PXDNL: variants seen among roughly 807,000 people sequenced by gnomAD.
PXDNL encodes the protein probable oxidoreductase PXDNL.
Under a neutral mutation model 150.8 loss-of-function variants are expected in PXDNL, and 145 were observed. The observed-to-expected ratio is 0.96, with a 90% CI of 0.84 to 1.10. The LOEUF (loss-of-function observed/expected upper bound fraction) is 1.10, where lower values mean the gene tolerates loss of function less well. PXDNL is among the 50% of genes least tolerant of loss of function. The pLI, the probability that PXDNL is intolerant of heterozygous loss-of-function variation, is 0.00. For missense variants in PXDNL, 2,087 were observed against 1,873.9 expected (o/e 1.11, Z -2.10); for synonymous variants, 757 against 725.7 (o/e 1.04, Z -0.69).
intron 19 of PXDNL, among the ~76,000 whole-genome samples, chr8:51,368,051 C>T (rs1806973753): frequency 6.6e-6 from 1 of 152,126 alleles, no homozygotes; most frequent in African/African-American, 2.4e-5. Context: ...TCATTTGAAC[C>T]CGGGAGGGAG....
chr8:51,764,851 A>C (rs954908561), intron 1 of PXDNL, among the ~76,000 whole-genome samples: 2 of 152,068 alleles, frequency 1.3e-5, no homozygotes, highest in Non-Finnish European at 2.9e-5. Flanking sequence ...CAAGTTTTCT[A>C]TTTACTTGAT....
chr8:51,803,984 A>G (rs1269099642), intron 1 of PXDNL, among the ~76,000 whole-genome samples: 1 of 152,234 alleles, frequency 6.6e-6, no homozygotes, highest in African/African-American at 2.4e-5. Flanking sequence ...TATCCAAGAC[A>G]GGTCTCAGTT....
rs1812021693 is a variant in PXDNL at position 51,534,755 on chromosome 8, A to G, written c.380+22085T>C. The stretch of plus-strand genomic sequence containing the variant: ...CGTCCGGGAGGGAGGTGGGGGGGTC[A>G]GCCCCCCGCCCGGCCAGCCGCCCCG... On this transcript the variant is annotated intron_variant, in intron 4 of 22. Coordinates refer to ENST00000356297, the MANE Select transcript of PXDNL (RefSeq NM_144651.5). Among the ~76,000 whole-genome samples the G allele has an allele frequency of 3.5e-5, 4 of 114,666 alleles. No individual in the cohort carries two copies. In the East Asian group the frequency reaches 1.2e-3, roughly 34 times the overall value. The allele number at this position is 114,666 out of a possible 152,430, so 75.2% of individuals were successfully genotyped here.
intron 1 of PXDNL, among the ~76,000 whole-genome samples, chr8:51,730,738 T>C (rs1235410968): frequency 1.3e-5 from 2 of 152,168 alleles, no homozygotes; most frequent in African/African-American, 4.8e-5. Flanking sequence ...GGACTCACAG[T>C]TCCACATGGC....
intron 1 of PXDNL, among the ~76,000 whole-genome samples, chr8:51,737,922 A>G (rs185431210): frequency 6.6e-6 from 1 of 152,166 alleles, no homozygotes; most frequent in Non-Finnish European, 1.5e-5. Flanking sequence ...TGGTATGGCC[A>G]CCTGCCCACC....
chr8:51,762,330 T>A (rs1464358118), intron 1 of PXDNL, among the ~76,000 whole-genome samples: 1 of 152,160 alleles, frequency 6.6e-6, no homozygotes, highest in Admixed American at 6.5e-5. Flanking sequence ...GTGGGAAAAA[T>A]CCACATTCTA....
chr8:51,652,439 T>TCTCA (rs769715730), intron 2 of PXDNL, among the ~76,000 whole-genome samples: 56 of 146,948 alleles, frequency 3.8e-4, no homozygotes, highest in African/African-American at 1.3e-3. Context: ...TCTCTCTCTC[T>TCTCA]CACACACACA....
chr8:51,698,950 G>A (rs1382473383), intron 1 of PXDNL, among the ~76,000 whole-genome samples: 1 of 152,152 alleles, frequency 6.6e-6, no homozygotes, highest in Non-Finnish European at 1.5e-5. Context: ...CTGGGCAGTA[G>A]GTCTCAGCAG....
At chr8:51,481,124 A>T (rs1331677050) in intron 6 of PXDNL, among the ~76,000 whole-genome samples, 13 of 152,214 alleles carry the variant, frequency 8.5e-5, no homozygotes, top group Non-Finnish European at 1.8e-4. Context: ...GGCTCAGAAG[A>T]CAGGCAGATG....
At chr8:51,769,223 G>C (rs2037264364) in intron 1 of PXDNL, among the ~76,000 whole-genome samples, 1 of 152,234 alleles carries the variant, frequency 6.6e-6, no homozygotes, top group Non-Finnish European at 1.5e-5. Context: ...CAGTTCATAT[G>C]GGAAGATATG....
intron 1 of PXDNL, among the ~76,000 whole-genome samples, chr8:51,795,650 T>A (rs1429961317): frequency 2.0e-5 from 3 of 152,136 alleles, no homozygotes; most frequent in African/African-American, 4.8e-5. Context: ...TAAAGCAGTG[T>A]TAAGAGGCAA....
intron 12 of PXDNL, chr8:51,435,748 C>T: frequency 2.6e-6 from 1 of 380,198 alleles, no homozygotes; most frequent in South Asian, 2.4e-5. Flanking sequence ...GGATCCCAGG[C>T]CCCGTTTGCA....
intron 19 of PXDNL, among the ~76,000 whole-genome samples, chr8:51,358,890 G>T (rs1314643772): frequency 1.3e-5 from 2 of 152,164 alleles, no homozygotes; most frequent in African/African-American, 4.8e-5. Context: ...CAGGCCTGGG[G>T]GAACCACGCC....
intron 20 of PXDNL, among the ~76,000 whole-genome samples, chr8:51,345,465 A>G (rs767075524): frequency 1.3e-5 from 2 of 152,220 alleles, no homozygotes; most frequent in Non-Finnish European, 2.9e-5. Context: ...ACTTAACATG[A>G]ATTAGCTTAA....
At position 51,800,314 on chromosome 8, in the gene PXDNL, G is replaced by A. The variant is rs556790007; in HGVS notation, c.164+8867C>T. ...ATTTTATGTTAATATATTTTATATT[G>A]TCTATCTTCTCTGTTCTCTGCCCTG... is the stretch of plus-strand genomic sequence containing the variant. On this transcript the variant is annotated intron_variant, in intron 1 of 22. Transcript: ENST00000356297. Among the ~76,000 whole-genome samples, 15 of 152,214 alleles carry A rather than the reference G, an allele frequency of 9.9e-5. No individual in the cohort carries two copies. In the South Asian group the frequency reaches 3.1e-3, roughly 32 times the overall value.
chr8:51,342,087 T>C (rs1806001754), intron 20 of PXDNL, among the ~76,000 whole-genome samples: 2 of 152,156 alleles, frequency 1.3e-5, no homozygotes, highest in African/African-American at 4.8e-5. Context: ...AACAATACTG[T>C]ATTGTACACT....
intron 4 of PXDNL, among the ~76,000 whole-genome samples, chr8:51,548,352 T>A (rs1203944906): frequency 6.6e-6 from 1 of 152,096 alleles, no homozygotes; most frequent in East Asian, 1.9e-4. Context: ...ACTCAGGAAA[T>A]TTAACACAAA....
chr8:51,323,678 C>A (rs1805392641), intron 21 of PXDNL, among the ~76,000 whole-genome samples: 1 of 152,100 alleles, frequency 6.6e-6, no homozygotes, highest in African/African-American at 2.4e-5. Context: ...CTTTGGGAGG[C>A]TGAGGCAGGG....
At chr8:51,710,994 C>T (rs1294499041) in intron 1 of PXDNL, among the ~76,000 whole-genome samples, 3 of 151,816 alleles carry the variant, frequency 2.0e-5, no homozygotes, top group Non-Finnish European at 4.4e-5. Context: ...ATGTGTTCAA[C>T]GTAGAACTGA....
Sources: allele counts gnomAD v4.1 joint callset (sites outside exome capture counted in the v4.1 genomes callset), GRCh38; gene constraint gnomAD v4.1.1; transcripts MANE v1.5; gene names NCBI Gene and HGNC (gene_info 2026-07-23, HGNC 2026-07-21).